The following ZC3H12B variants were observed in gnomAD, a reference collection of about 807,000 sequenced individuals.
The protein encoded by ZC3H12B is zinc finger CCCH-type containing 12B, also known as probable ribonuclease ZC3H12B.
Under a neutral mutation model 43.9 loss-of-function variants are expected in ZC3H12B, and 7 were observed. The observed-to-expected ratio is 0.16, with a 90% CI of 0.09 to 0.30. ZC3H12B has a LOEUF of 0.30. ZC3H12B is among the 10% of genes least tolerant of loss of function. The probability of loss-of-function intolerance (pLI) is 1.00; values close to 1 mark genes in which losing one functional copy is unlikely to be tolerated. For synonymous variants in ZC3H12B, 222 were observed against 241.7 expected, an observed-to-expected ratio of 0.92 and a Z score of 0.76; for missense variants, 475 against 670.2, an observed-to-expected ratio of 0.71 and a Z score of 3.22.
the ZC3H12B span, among the ~76,000 whole-genome samples, chrX:65,111,226 C>A: frequency 9.0e-6 from 1 of 111,203 alleles, no homozygotes; most frequent in South Asian, 3.7e-4. Context: ...ATATCCTTAT[C>A]TTGCCTTATT....
At chrX:65,326,800 A>AT in the ZC3H12B span, among the ~76,000 whole-genome samples, 2 of 111,611 alleles carry the variant, frequency 1.8e-5, no homozygotes, top group Non-Finnish European at 3.8e-5. Context: ...ATTTAACTCA[A>AT]TTTTTAAAAA....
intron 3 of ZC3H12B, among the ~76,000 whole-genome samples, chrX:65,448,338 G>A (rs1006437642): frequency 1.8e-5 from 2 of 112,134 alleles, no homozygotes; most frequent in African/African-American, 6.5e-5. Context: ...CTATGGAAAT[G>A]TCTTAAATAA....
chrX:65,186,279 G>T, the ZC3H12B span: 1 of 110,245 alleles, frequency 9.1e-6, no homozygotes, highest in East Asian at 2.8e-4. Context: ...ATCACTTGAG[G>T]TTAGGAGTTC....
At chrX:65,220,904 A>T in the ZC3H12B span, among the ~76,000 whole-genome samples, 2 of 111,780 alleles carry the variant, frequency 1.8e-5, no homozygotes, top group Non-Finnish European at 3.8e-5. Context: ...ATACATTCTA[A>T]TCATCAGCAC....
chrX:65,276,540 A>G, the ZC3H12B span, among the ~76,000 whole-genome samples: 11 of 112,021 alleles, frequency 9.8e-5, no homozygotes, highest in Admixed American at 1.0e-3. Flanking sequence ...GTGAGATGAT[A>G]TATTTAAAGT....
chrX:65,354,174 G>A, the ZC3H12B span, among the ~76,000 whole-genome samples: 1 of 112,199 alleles, frequency 8.9e-6, no homozygotes, highest in African/African-American at 3.2e-5. Context: ...CTGATGAGGA[G>A]ACACCTCCCA....
the ZC3H12B span, among the ~76,000 whole-genome samples, chrX:65,235,679 C>G: frequency 9.0e-6 from 1 of 111,475 alleles, no homozygotes; most frequent in Non-Finnish European, 1.9e-5. Flanking sequence ...GTATCTATAT[C>G]AGGGAAACAT....
the ZC3H12B span, among the ~76,000 whole-genome samples, chrX:65,352,107 C>T: frequency 8.9e-6 from 1 of 112,145 alleles, no homozygotes; most frequent in East Asian, 2.8e-4. Flanking sequence ...GAAAATGTGG[C>T]ACATATACAC....
At chrX:65,157,470 A>T in the ZC3H12B span, among the ~76,000 whole-genome samples, 1 of 111,889 alleles carries the variant, frequency 8.9e-6, no homozygotes, top group Non-Finnish European at 1.9e-5. Flanking sequence ...ATTTCTAGTA[A>T]TGCTTTTTGC....
chrX:65,048,648 G>C, the ZC3H12B span, among the ~76,000 whole-genome samples: 1 of 110,960 alleles, frequency 9.0e-6, no homozygotes, highest in East Asian at 2.8e-4. Flanking sequence ...CACATATATA[G>C]TAAAAATATT....
chrX:65,121,668 T>A, the ZC3H12B span, among the ~76,000 whole-genome samples: 11 of 111,650 alleles, frequency 9.9e-5, no homozygotes, highest in East Asian at 3.1e-3. Context: ...GCTGTGATCT[T>A]AGTTATTTCT....
intron 1 of ZC3H12B, among the ~76,000 whole-genome samples, chrX:65,491,486 C>T (rs754172001): frequency 2.7e-5 from 3 of 110,704 alleles, no homozygotes; most frequent in East Asian, 5.6e-4. Context: ...GTGGGAGGAT[C>T]GCTTGAGCCC....
Position 65,461,787 on chromosome X carries a change from G to A in ZC3H12B, n.408-26859G>A, listed in dbSNP as rs184398967. On this transcript the variant is annotated intron_variant and non_coding_transcript_variant, in intron 3 of 5. Coordinates refer to the ZC3H12B transcript ENST00000617377. ...TTAATGGGTGTAGCACACAAACATG[G>A]CCCATGTATATATATGTAACAAACC... 4.5e-5 allele frequency among the ~76,000 whole-genome samples: 5 copies of A among 110,338 alleles called. No individual in the cohort carries two copies. The East Asian group carries it at 1.1e-3, about 25-fold the overall frequency.
At chrX:65,360,725 T>C in the ZC3H12B span, among the ~76,000 whole-genome samples, 2 of 112,488 alleles carry the variant, frequency 1.8e-5, no homozygotes, top group Admixed American at 1.9e-4. Context: ...AGAATATATC[T>C]ACACAAAGGC....
the ZC3H12B span, among the ~76,000 whole-genome samples, chrX:65,225,485 A>C: frequency 3.0e-4 from 34 of 112,703 alleles, no homozygotes; most frequent in African/African-American, 1.1e-3. Context: ...CCTCCAAAGG[A>C]ACGCAGTTCC....
At chrX:65,103,792 A>T in the ZC3H12B span, among the ~76,000 whole-genome samples, 3 of 111,931 alleles carry the variant, frequency 2.7e-5, no homozygotes, top group African/African-American at 9.7e-5. Context: ...ATGGAAAAGC[A>T]TTCCATTTTC....
chrX:65,427,464 G>A (rs1378464033), intron 3 of ZC3H12B, among the ~76,000 whole-genome samples: 1 of 110,741 alleles, frequency 9.0e-6, no homozygotes, highest in African/African-American at 3.3e-5. Context: ...AAGTAGCTGG[G>A]ACTACAGGTG....
chrX:65,453,913 A>C (rs905373516), intron 3 of ZC3H12B, among the ~76,000 whole-genome samples: 2 of 111,759 alleles, frequency 1.8e-5, no homozygotes, highest in African/African-American at 6.5e-5. Context: ...GGGGACTTGG[A>C]GGAAAGGATG....
At chrX:65,443,920 A>T (rs1395315281) in intron 3 of ZC3H12B, among the ~76,000 whole-genome samples, 1 of 112,569 alleles carries the variant, frequency 8.9e-6, no homozygotes. Flanking sequence ...TGTTTCTTGC[A>T]GGCAGAAGAT....
Sources: gnomAD v4.1 joint callset for allele counts (sites outside exome capture counted in the v4.1 genomes callset) on GRCh38, gnomAD v4.1.1 for gene constraint, MANE v1.5 for transcripts, NCBI Gene and HGNC (gene_info 2026-07-23, HGNC 2026-07-21) for gene names.